The following PPP1R12B variants were observed in gnomAD, a reference collection of about 807,000 sequenced individuals.
PPP1R12B encodes the protein myosin phosphatase target subunit 2.
In PPP1R12B, 76 loss-of-function variants were observed where a neutral mutation model predicts 126.1. The observed-to-expected ratio is 0.60, with a 90% CI of 0.50 to 0.73. PPP1R12B has a LOEUF of 0.73. PPP1R12B is among the 30% of genes least tolerant of loss of function. The pLI is 0.00. For missense variants in PPP1R12B, 1,052 were observed against 1,205.1 expected, an observed-to-expected ratio of 0.87 and a Z score of 1.88; for synonymous variants, 356 against 434.7, an observed-to-expected ratio of 0.82 and a Z score of 2.25.
At chr1:202,577,314 TAAATTTCA>T (rs1689177897) in intron 23 of PPP1R12B, 3 of 152,220 alleles carry the variant, frequency 2.0e-5, no homozygotes, top group Non-Finnish European at 4.4e-5. Flanking sequence ...ATATGGAATT[TAAATTTCA>T]ATGTCCAAAA....
intron 1 of PPP1R12B, among the ~76,000 whole-genome samples, chr1:202,379,967 T>C (rs1198262035): frequency 6.6e-6 from 1 of 152,200 alleles, no homozygotes; most frequent in Non-Finnish European, 1.5e-5. Context: ...AATTTTGCAT[T>C]TTGAAGCCAT....
chr1:202,571,007 T>G (rs1688539471), intron 23 of PPP1R12B, among the ~76,000 whole-genome samples: 1 of 152,158 alleles, frequency 6.6e-6, no homozygotes, highest in Non-Finnish European at 1.5e-5. Context: ...CTAGAACCTT[T>G]CAAGGAGTAC....
At chr1:202,479,093 T>G (rs1677031734) in intron 13 of PPP1R12B, among the ~76,000 whole-genome samples, 1 of 152,226 alleles carries the variant, frequency 6.6e-6, no homozygotes, top group African/African-American at 2.4e-5. Flanking sequence ...GGACTACAGC[T>G]TTAGTTTTGG....
intron 18 of PPP1R12B, among the ~76,000 whole-genome samples, chr1:202,551,674 G>A (rs961174908): frequency 2.6e-5 from 4 of 152,186 alleles, no homozygotes; most frequent in Non-Finnish European, 5.9e-5. Context: ...CCTTAAGTTA[G>A]GGAGGTTTTC....
intron 18 of PPP1R12B, among the ~76,000 whole-genome samples, chr1:202,534,080 A>AT (rs995349516): frequency 6.6e-6 from 1 of 151,562 alleles, no homozygotes; most frequent in Admixed American, 6.6e-5. Context: ...CCTCCTATTT[A>AT]TTTTTTTCAT....
rs1431671533 is a variant in PPP1R12B, at chr1:202,588,870, GATA to G, written c.*8311_*8313del. Reference sequence around the variant, plus strand: ...AGATAGATAGATAGATAGATAGATAGATATCAAGGTTCCAAGCTTCAAGTAACC... The same window carrying G: ...AGATAGATAGATAGATAGATAGATAGTCAAGGTTCCAAGCTTCAAGTAACC... On this transcript the variant is annotated 3_prime_UTR_variant, in exon 24 of 24. Coordinates refer to ENST00000608999, the MANE Select transcript of PPP1R12B (RefSeq NM_002481.4). 1.4e-5 allele frequency: 2 copies of G among 141,544 alleles called. No homozygotes were observed. The highest frequency in any genetic ancestry group is 6.1e-5 in the African/African-American group (2 of 33,042). The allele number at this position is 141,544 out of a possible 1,614,324, so 8.8% of individuals were successfully genotyped here.
At chr1:202,434,131 A>T (rs902078794) in intron 8 of PPP1R12B, among the ~76,000 whole-genome samples, 1 of 152,138 alleles carries the variant, frequency 6.6e-6, no homozygotes, top group Non-Finnish European at 1.5e-5. Context: ...ACACTTAAAC[A>T]TTTTTCTTTA....
intron 13 of PPP1R12B, among the ~76,000 whole-genome samples, chr1:202,477,376 C>T (rs1477412222): frequency 6.6e-6 from 1 of 152,142 alleles, no homozygotes; most frequent in African/African-American, 2.4e-5. Context: ...AATTTATCCA[C>T]AATCACCTAC....
At chr1:202,470,740 T>A (rs1029529681) in intron 13 of PPP1R12B, among the ~76,000 whole-genome samples, 1 of 151,568 alleles carries the variant, frequency 6.6e-6, no homozygotes, top group Non-Finnish European at 1.5e-5. Context: ...CAGAGAATTA[T>A]AAAGAAAAAA....
At chr1:202,546,019 C>G (rs1483546445) in intron 18 of PPP1R12B, among the ~76,000 whole-genome samples, 4 of 152,148 alleles carry the variant, frequency 2.6e-5, no homozygotes, top group African/African-American at 9.7e-5. Flanking sequence ...AGTAAAGTTG[C>G]TGTGCTCAGA....
chr1:202,351,357 G>A lies in PPP1R12B; in HGVS notation c.291+2215G>A, dbSNP rs369972526. On this transcript the variant is annotated intron_variant, in intron 1 of 23. Coordinates refer to ENST00000608999, the MANE Select transcript of PPP1R12B (RefSeq NM_002481.4). ...AAGTTCAAGCTATTCTCATGCATCA[G>A]CCTCCCAAGTAGCTGGAACTATAGG... 3.9e-5 allele frequency among the ~76,000 whole-genome samples: 6 copies of A among 151,922 alleles called. No homozygotes were observed. In the East Asian group the frequency reaches 9.7e-4, roughly 25 times the overall value.
chr1:202,547,796 A>G (rs1259387178), intron 18 of PPP1R12B, among the ~76,000 whole-genome samples: 10 of 152,232 alleles, frequency 6.6e-5, no homozygotes, highest in Admixed American at 6.5e-4. Context: ...GATAATCAAA[A>G]TCTACAAATA....
At chr1:202,551,882 G>T (rs1439120114) in intron 18 of PPP1R12B, among the ~76,000 whole-genome samples, 2 of 152,212 alleles carry the variant, frequency 1.3e-5, no homozygotes, top group African/African-American at 4.8e-5. Context: ...CTGCAAGGCA[G>T]TGGGTACCTG....
intron 18 of PPP1R12B, chr1:202,540,221 C>A (rs1684971684): frequency 1.2e-6 from 2 of 1,607,902 alleles, no homozygotes; most frequent in Admixed American, 3.3e-5. Flanking sequence ...ATCTCCCTCC[C>A]CGACTGCCAA....
chr1:202,416,122 T>C (rs552772810), intron 1 of PPP1R12B, among the ~76,000 whole-genome samples: 2 of 152,308 alleles, frequency 1.3e-5, no homozygotes, highest in East Asian at 3.9e-4. Context: ...TACAAATCAG[T>C]GTTTTGTAAC....
chr1:202,558,780 G>A, intron 18 of PPP1R12B, 97 bp from the exon 19 acceptor site: 1 of 799,092 alleles, frequency 1.3e-6, no homozygotes, highest in Non-Finnish European at 2.1e-6. Flanking sequence ...TTTGAAAAGT[G>A]CATTTATAGA....
chr1:202,575,172 C>T (rs2149038032), intron 23 of PPP1R12B: 2 of 1,598,404 alleles, frequency 1.3e-6, no homozygotes, highest in Middle Eastern at 1.7e-4. Context: ...TTCCCTCCTC[C>T]ACTACTCCAG....
rs1032581424 is a variant in PPP1R12B, at chr1:202,577,672, C to T, written c.2863-2802C>T. Among the ~76,000 whole-genome samples, 3 of 151,940 alleles carry T rather than the reference C, an allele frequency of 2.0e-5. No individual in the cohort carries two copies. In the South Asian group the frequency reaches 6.2e-4, roughly 31 times the overall value. On this transcript the variant is annotated intron_variant, in intron 23 of 23. Coordinates refer to ENST00000608999, the MANE Select transcript of PPP1R12B (RefSeq NM_002481.4). The stretch of plus-strand genomic sequence containing the variant: ...CAGAGGGGACTCCCTTCCCACTTTC[C>T]TTGTAGTTAAAAGCAAGACAGCTCA...
At chr1:202,432,382 C>T (rs545606061) in intron 8 of PPP1R12B, among the ~76,000 whole-genome samples, 86 of 152,020 alleles carry the variant, frequency 5.7e-4, no homozygotes, top group African/African-American at 1.9e-3. Context: ...GATTCTCATG[C>T]CTCAGCCTCT....
Sources: gnomAD v4.1 joint callset for allele counts (sites outside exome capture counted in the v4.1 genomes callset) on GRCh38, gnomAD v4.1.1 for gene constraint, MANE v1.5 for transcripts, NCBI Gene and HGNC (gene_info 2026-07-23, HGNC 2026-07-21) for gene names.